Variants in AUH observed in about 807,000 individuals in gnomAD.
The protein encoded by AUH is methylglutaconyl-CoA hydratase, mitochondrial.
AUH carries 29 observed loss-of-function variants against 42.3 expected under a neutral mutation model. The ratio of observed to expected loss-of-function variants is 0.69; its 90% CI spans 0.51 to 0.93. AUH has a LOEUF of 0.93. Ranked by LOEUF, AUH falls within the 40% of genes least tolerant of loss-of-function variation. AUH has a pLI of 0.00. For synonymous variants in AUH, 174 were observed against 166.4 expected, an observed-to-expected ratio of 1.05 and a Z score of -0.35; for missense variants, 452 against 438.1, an observed-to-expected ratio of 1.03 and a Z score of -0.28.
At chr9:91,246,716 A>G (rs2131365346) in intron 6 of AUH, among the ~76,000 whole-genome samples, 1 of 152,376 alleles carries the variant, frequency 6.6e-6, no homozygotes, top group East Asian at 1.9e-4. Context: ...TATGCACACA[A>G]TGAAGTTAGA....
chr9:91,272,665 T>C (rs956344138), intron 6 of AUH, among the ~76,000 whole-genome samples: 1 of 152,222 alleles, frequency 6.6e-6, no homozygotes, highest in South Asian at 2.1e-4. Context: ...TGGTCTAACA[T>C]AGTATATATT....
chr9:91,279,417 T>C (rs1180636997), intron 6 of AUH, among the ~76,000 whole-genome samples: 1 of 152,204 alleles, frequency 6.6e-6, no homozygotes, highest in Non-Finnish European at 1.5e-5. Flanking sequence ...TATAAAGAGA[T>C]ACCTGAGAGT....
In AUH at chr9:91,361,916, G is replaced by A; in HGVS notation, c.-27C>T. ...TTGTCTGTTTACGGCGTGGACCTGC[G>A]ACGGCCGCTCCGCCCCCGCCCGGCG... On this transcript the variant is annotated 5_prime_UTR_variant, in exon 1 of 10. Transcript: ENST00000375731. 2.2e-6 allele frequency: 3 copies of A among 1,359,880 alleles called. No homozygotes were observed. The highest frequency in any genetic ancestry group is 1.9e-6 in the Non-Finnish European group (2 of 1,058,542). 84.2% of individuals were successfully genotyped at this position (1,359,880 alleles called of 1,614,324 possible). A position where few individuals can be genotyped will look rare whatever the true frequency, so the allele number is the denominator to read the frequency against.
intron 6 of AUH, among the ~76,000 whole-genome samples, chr9:91,283,494 T>C (rs978312295): frequency 6.6e-6 from 1 of 152,180 alleles, no homozygotes; most frequent in Admixed American, 6.5e-5. Flanking sequence ...ATAAACGGTA[T>C]TCAATTAGGA....
At chr9:91,299,219 A>AAAAC (rs942962934) in intron 4 of AUH, among the ~76,000 whole-genome samples, 1 of 152,178 alleles carries the variant, frequency 6.6e-6, no homozygotes, top group African/African-American at 2.4e-5. Context: ...ACTGTCTCAA[A>AAAAC]AAACAAACAA....
chr9:91,264,004 C>T (rs893753379), intron 6 of AUH, among the ~76,000 whole-genome samples: 6 of 152,126 alleles, frequency 3.9e-5, no homozygotes, highest in Admixed American at 1.3e-4. Context: ...TTCCACAACC[C>T]ACCTTAGGTA....
intron 1 of AUH, among the ~76,000 whole-genome samples, chr9:91,357,838 G>C (rs1222952625): frequency 6.6e-6 from 1 of 152,224 alleles, no homozygotes; most frequent in Non-Finnish European, 1.5e-5. Flanking sequence ...ACCAATGAAA[G>C]TAAAGAGGTC....
At chr9:91,330,958 G>A (rs1218170833) in intron 3 of AUH, among the ~76,000 whole-genome samples, 2 of 152,170 alleles carry the variant, frequency 1.3e-5, no homozygotes, top group African/African-American at 4.8e-5. Flanking sequence ...ACTTCATTTT[G>A]TAGAAATTTA....
chr9:91,269,802 C>T (rs1332028548), intron 6 of AUH, among the ~76,000 whole-genome samples: 1 of 152,210 alleles, frequency 6.6e-6, no homozygotes, highest in Non-Finnish European at 1.5e-5. Flanking sequence ...TTTAAACACT[C>T]GTGCTCTGGG....
rs558706093 is a variant in AUH at position 91,285,623 on chromosome 9, G to C, written c.655+10398C>G. On this transcript the variant is annotated intron_variant, in intron 6 of 9. Coordinates refer to ENST00000375731, the MANE Select transcript of AUH (RefSeq NM_001698.3). ...TCATCTCTCCTAACAGATTTTAGGTGATCAATTCCAAGGGAGCATTACTAA... is the reference window on the plus strand; with the variant it reads ...TCATCTCTCCTAACAGATTTTAGGTCATCAATTCCAAGGGAGCATTACTAA... Among the ~76,000 whole-genome samples, 5 of 152,130 alleles carry C rather than the reference G, an allele frequency of 3.3e-5. No individual in the cohort carries two copies. The South Asian group carries it at 1.0e-3, about 32-fold the overall frequency.
chr9:91,289,839 T>A (rs983691850), intron 6 of AUH, among the ~76,000 whole-genome samples: 5 of 152,158 alleles, frequency 3.3e-5, no homozygotes. Flanking sequence ...CTTTAGGTAA[T>A]AAACACAAAA....
At chr9:91,332,081 G>C (rs1234573524) in intron 3 of AUH, among the ~76,000 whole-genome samples, 2 of 152,176 alleles carry the variant, frequency 1.3e-5, no homozygotes, top group Non-Finnish European at 2.9e-5. Flanking sequence ...TAAGTAGTTT[G>C]AAAGATTTCA....
intron 6 of AUH, among the ~76,000 whole-genome samples, chr9:91,293,079 T>C (rs775415359): frequency 6.6e-6 from 1 of 152,276 alleles, no homozygotes; most frequent in Non-Finnish European, 1.5e-5. Context: ...ACTTAACCAA[T>C]AAATGCATGT....
chr9:91,331,407 A>G (rs1830315580), intron 3 of AUH, among the ~76,000 whole-genome samples: 1 of 152,200 alleles, frequency 6.6e-6, no homozygotes, highest in Non-Finnish European at 1.5e-5. Context: ...AGATTCAATA[A>G]GATTTCATAT....
At chr9:91,294,331 T>TGA (rs1039558816) in intron 6 of AUH, among the ~76,000 whole-genome samples, 7 of 152,276 alleles carry the variant, frequency 4.6e-5, no homozygotes, top group Admixed American at 4.6e-4. Flanking sequence ...AGGCAGATCA[T>TGA]GAGGTCAAGA....
Position 91,360,086 on chromosome 9 carries a change from T to C in AUH, c.262+1542A>G, listed in dbSNP as rs139600488. 1.6e-3 allele frequency among the ~76,000 whole-genome samples: 245 copies of C among 152,316 alleles called. 1 individual carries two copies. In the East Asian group the frequency reaches 0.017, roughly 10 times the overall value. The stretch of plus-strand genomic sequence containing the variant: ...ATCTTTTATTATCTGATATTCTCTC[T>C]TCTGTCCATTCAGATCCTAACTTAA... On this transcript the variant is annotated intron_variant, in intron 1 of 9. Transcript: ENST00000375731.
At chr9:91,356,639 A>G (rs10991899) in intron 1 of AUH, among the ~76,000 whole-genome samples, 13,372 of 152,154 alleles carry the variant, frequency 0.088, 665 homozygotes, top group East Asian at 0.17. Context: ...AGTACTTCCA[A>G]CTCAACCTAT....
chr9:91,278,003 T>C lies in AUH; in HGVS notation c.655+18018A>G, dbSNP rs554548158. On this transcript the variant is annotated intron_variant, in intron 6 of 9. Coordinates refer to ENST00000375731, the MANE Select transcript of AUH (RefSeq NM_001698.3). ...CTCTGAGGGTAGGGTGCTCAAGGTTTCCCCACTGGAGGAGGCATCGTAGAG... is the reference window on the plus strand; with the variant it reads ...CTCTGAGGGTAGGGTGCTCAAGGTTCCCCCACTGGAGGAGGCATCGTAGAG... Among the ~76,000 whole-genome samples the C allele has an allele frequency of 2.0e-5, 3 of 152,260 alleles. No homozygotes were observed. The East Asian group carries it at 5.8e-4, about 29-fold the overall frequency.
At chr9:91,358,527 C>G (rs938490729) in intron 1 of AUH, among the ~76,000 whole-genome samples, 3 of 152,178 alleles carry the variant, frequency 2.0e-5, no homozygotes, top group Non-Finnish European at 2.9e-5. Context: ...TATTAAGATA[C>G]TAACAGTTCC....
Sources: gnomAD v4.1 joint callset for allele counts (sites outside exome capture counted in the v4.1 genomes callset) on GRCh38, gnomAD v4.1.1 for gene constraint, MANE v1.5 for transcripts, NCBI Gene and HGNC (gene_info 2026-07-23, HGNC 2026-07-21) for gene names.